KCNAB1: variants seen among roughly 807,000 people sequenced by gnomAD.
KCNAB1 encodes voltage-gated potassium channel subunit beta-1.
A neutral mutation model predicts 64.6 loss-of-function variants in KCNAB1; 35 were observed. The observed-to-expected ratio is 0.54, with a 90% CI of 0.41 to 0.72. KCNAB1 has a LOEUF of 0.72. Among genes scored for constraint, KCNAB1 ranks in the 30% least tolerant of loss-of-function variants. The pLI is 0.00. For synonymous variants in KCNAB1, 177 were observed against 183.8 expected (o/e 0.96, Z 0.30); for missense variants, 401 against 512.9 (o/e 0.78, Z 2.11).
chr3:156,325,134 T>C (rs973297254), intron 1 of KCNAB1, among the ~76,000 whole-genome samples: 2 of 152,118 alleles, frequency 1.3e-5, no homozygotes, highest in African/African-American at 4.8e-5. Flanking sequence ...CACAAAACCA[T>C]GTGAGGTGGA....
rs149186950 is a variant in KCNAB1 at position 156,481,654 on chromosome 3, T to G, written c.658+6834T>G. Among the ~76,000 whole-genome samples, 71 of 152,244 alleles carry G rather than the reference T, an allele frequency of 4.7e-4. No homozygotes were observed. In the East Asian group the frequency reaches 0.01, roughly 22 times the overall value. On this transcript the variant is annotated intron_variant, in intron 8 of 13. Transcript: ENST00000490337. ...TCTTTCCATCTCAAGTTCGTCTGTT[T>G]AGAAAATCTCATGTTTCTGTTCATA...
At chr3:156,414,046 A>G (rs1471331694) in intron 1 of KCNAB1, among the ~76,000 whole-genome samples, 1 of 152,218 alleles carries the variant, frequency 6.6e-6, no homozygotes, top group Non-Finnish European at 1.5e-5. Flanking sequence ...GTATGTTTAA[A>G]TATCACCCTC....
At chr3:156,143,678 CAGA>C in intron 1 of KCNAB1, among the ~76,000 whole-genome samples, 2 of 150,072 alleles carry the variant, frequency 1.3e-5, no homozygotes, top group Middle Eastern at 6.9e-3. Context: ...CCATGTGCTC[CAGA>C]AGAAGTATCT....
At chr3:156,392,633 T>G (rs572264954) in intron 1 of KCNAB1, among the ~76,000 whole-genome samples, 1 of 152,354 alleles carries the variant, frequency 6.6e-6, no homozygotes, top group Admixed American at 6.5e-5. Context: ...TTTTGAAATA[T>G]CCTTATCAGA....
At chr3:156,391,139 C>A (rs1241266441) in intron 1 of KCNAB1, among the ~76,000 whole-genome samples, 2 of 152,104 alleles carry the variant, frequency 1.3e-5, no homozygotes, top group African/African-American at 2.4e-5. Flanking sequence ...CCCTGAAGGT[C>A]AACAATGTAA....
At chr3:156,139,946 G>A (rs974951029) in intron 1 of KCNAB1, among the ~76,000 whole-genome samples, 3 of 152,078 alleles carry the variant, frequency 2.0e-5, no homozygotes, top group Admixed American at 2.0e-4. Context: ...GTTTCCCAAA[G>A]GAGGTACAAG....
intron 1 of KCNAB1, chr3:156,176,785 C>T: frequency 4.6e-6 from 4 of 866,310 alleles, no homozygotes; most frequent in Non-Finnish European, 7.9e-6. Context: ...AGCAAAGCTC[C>T]TGGCGTCGCC....
intron 1 of KCNAB1, among the ~76,000 whole-genome samples, chr3:156,256,557 C>T (rs1718111677): frequency 6.6e-6 from 1 of 152,216 alleles, no homozygotes; most frequent in Non-Finnish European, 1.5e-5. Flanking sequence ...TGCTCACTGT[C>T]TCCTCAGGCA....
At position 156,163,683 on chromosome 3, in the gene KCNAB1, G is replaced by A. The variant is rs142094637; in HGVS notation, c.275+42797G>A. Among the ~76,000 whole-genome samples, 560 of 152,334 alleles carry A rather than the reference G, an allele frequency of 3.7e-3. 3 individuals are homozygous for A. The highest frequency in any genetic ancestry group is 0.013 in the African/African-American group (528 of 41,570). On this transcript the variant is annotated intron_variant, in intron 1 of 13. Transcript: ENST00000490337. Reference sequence around the variant, plus strand: ...AATGAGCACATTCCTGGCACCAGCTGAATCTTACGATAAGAGATATATGAA... The same window carrying A: ...AATGAGCACATTCCTGGCACCAGCTAAATCTTACGATAAGAGATATATGAA...
At chr3:156,292,157 G>A in intron 1 of KCNAB1, 10 of 1,611,016 alleles carry the variant, frequency 6.2e-6, no homozygotes, top group Non-Finnish European at 8.5e-6. Context: ...CTCTGTGCGG[G>A]GTATCCAGGT....
At chr3:156,406,044 T>C (rs1412341409) in intron 1 of KCNAB1, among the ~76,000 whole-genome samples, 1 of 152,236 alleles carries the variant, frequency 6.6e-6, no homozygotes, top group African/African-American at 2.4e-5. Context: ...ACAGAGTAGA[T>C]ACACCATAAA....
At chr3:156,202,387 C>T (rs1714392027) in intron 1 of KCNAB1, among the ~76,000 whole-genome samples, 1 of 152,238 alleles carries the variant, frequency 6.6e-6, no homozygotes, top group African/African-American at 2.4e-5. Flanking sequence ...GTGTTCTCGG[C>T]TTCCTCCTCC....
chr3:156,296,613 A>G (rs1720802600), intron 1 of KCNAB1, among the ~76,000 whole-genome samples: 1 of 151,774 alleles, frequency 6.6e-6, no homozygotes, highest in Non-Finnish European at 1.5e-5. Flanking sequence ...AGCTGGGACT[A>G]CAGGTGCCCA....
chr3:156,404,393 G>A (rs115046682), intron 1 of KCNAB1, among the ~76,000 whole-genome samples: 3,732 of 152,072 alleles, frequency 0.025, 56 homozygotes, highest in African/African-American at 0.043. Flanking sequence ...CCATCAGTCC[G>A]TGGAACTGAA....
intron 2 of KCNAB1, among the ~76,000 whole-genome samples, chr3:156,439,345 C>A (rs1021233415): frequency 1.3e-5 from 2 of 150,088 alleles, no homozygotes; most frequent in African/African-American, 4.9e-5. Flanking sequence ...CAATCTCAGG[C>A]GTGTTGGAAG....
chr3:156,221,768 A>C (rs1715756127), intron 1 of KCNAB1, among the ~76,000 whole-genome samples: 1 of 150,586 alleles, frequency 6.6e-6, no homozygotes, highest in Admixed American at 6.6e-5. Flanking sequence ...AAAAGAGCAA[A>C]ACTCCATCCC....
At chr3:156,218,914 A>G (rs987443623) in intron 1 of KCNAB1, among the ~76,000 whole-genome samples, 1 of 151,950 alleles carries the variant, frequency 6.6e-6, no homozygotes, top group African/African-American at 2.4e-5. Context: ...AAGGGGGAGA[A>G]CACCACATCA....
intron 1 of KCNAB1, among the ~76,000 whole-genome samples, chr3:156,253,421 C>G (rs1007767358): frequency 6.6e-6 from 1 of 152,176 alleles, no homozygotes; most frequent in Non-Finnish European, 1.5e-5. Flanking sequence ...CAGTTCTATT[C>G]CTGGGCCTGT....
chr3:156,216,724 T>C (rs1199962261), intron 1 of KCNAB1, among the ~76,000 whole-genome samples: 1 of 152,204 alleles, frequency 6.6e-6, no homozygotes, highest in Non-Finnish European at 1.5e-5. Context: ...CATTTTCTCC[T>C]TTAAATTCCC....
Sources: gnomAD v4.1 joint callset for allele counts (sites outside exome capture counted in the v4.1 genomes callset) on GRCh38, gnomAD v4.1.1 for gene constraint, MANE v1.5 for transcripts, NCBI Gene and HGNC (gene_info 2026-07-23, HGNC 2026-07-21) for gene names.